Variants in NAALADL2 observed in about 807,000 individuals in gnomAD.
NAALADL2 encodes the protein N-acetylated alpha-linked acidic dipeptidase like 2, also known as inactive N-acetylated-alpha-linked acidic dipeptidase-like protein 2.
A neutral mutation model predicts 87.2 loss-of-function variants in NAALADL2; 76 were observed. The ratio of observed to expected loss-of-function variants is 0.87; its 90% CI spans 0.72 to 1.05. The LOEUF is 1.05. NAALADL2 is among the 50% of genes least tolerant of loss of function. The probability of loss-of-function intolerance (pLI) is 0.00; values close to 1 mark genes in which losing one functional copy is unlikely to be tolerated. For missense variants in NAALADL2, 1,089 were observed against 945.8 expected (o/e 1.15, Z -1.99); for synonymous variants, 354 against 331.0 (o/e 1.07, Z -0.75).
chr3:175,690,066 T>A (rs918269542), intron 11 of NAALADL2, among the ~76,000 whole-genome samples: 1 of 152,046 alleles, frequency 6.6e-6, no homozygotes, highest in African/African-American at 2.4e-5. Context: ...ACACAAAACA[T>A]ATAGAGAGTA....
chr3:175,385,559 T>C (rs1429919805), intron 5 of NAALADL2, among the ~76,000 whole-genome samples: 1 of 152,106 alleles, frequency 6.6e-6, no homozygotes, highest in African/African-American at 2.4e-5. Flanking sequence ...TGGTGTTCAA[T>C]AGATTAGCAA....
intron 3 of NAALADL2, among the ~76,000 whole-genome samples, chr3:174,821,312 C>T (rs747633940): frequency 5.3e-5 from 8 of 151,646 alleles, no homozygotes; most frequent in Admixed American, 1.3e-4. Context: ...ATGACAATAC[C>T]GGGCTTGAGG....
intron 1 of NAALADL2, among the ~76,000 whole-genome samples, chr3:175,012,517 T>C (rs1456104861): frequency 2.6e-5 from 4 of 152,194 alleles, no homozygotes; most frequent in African/African-American, 9.6e-5. Flanking sequence ...TGTCATTGCA[T>C]GTAGTTACTA....
chr3:175,311,626 C>A (rs1306215311), intron 4 of NAALADL2, among the ~76,000 whole-genome samples: 2 of 149,754 alleles, frequency 1.3e-5, no homozygotes, highest in African/African-American at 4.9e-5. Context: ...CTTCTTCCCT[C>A]CCTCCCTTTA....
intron 1 of NAALADL2, among the ~76,000 whole-genome samples, chr3:174,445,467 G>A (rs1400313321): frequency 6.6e-6 from 1 of 152,024 alleles, no homozygotes; most frequent in Non-Finnish European, 1.5e-5. Context: ...AAAATGAGGA[G>A]GCAGCTCAAG....
chr3:175,278,228 G>T (rs1753851606), intron 4 of NAALADL2, among the ~76,000 whole-genome samples: 1 of 152,170 alleles, frequency 6.6e-6, no homozygotes, highest in African/African-American at 2.4e-5. Flanking sequence ...GTTGTTCATT[G>T]TTCTCCACTA....
At chr3:175,336,115 T>C (rs185239385) in intron 5 of NAALADL2, among the ~76,000 whole-genome samples, 20 of 146,880 alleles carry the variant, frequency 1.4e-4, no homozygotes, top group Non-Finnish European at 2.8e-4. Context: ...CCCGAAAGCC[T>C]TTCTGAAGCT....
chr3:174,629,782 C>T (rs1323581692), intron 2 of NAALADL2, among the ~76,000 whole-genome samples: 2 of 152,138 alleles, frequency 1.3e-5, no homozygotes, highest in Admixed American at 1.3e-4. Context: ...CGTATGTATG[C>T]GTATGTTACA....
chr3:174,704,493 A>G (rs1402867605), intron 2 of NAALADL2, among the ~76,000 whole-genome samples: 2 of 151,980 alleles, frequency 1.3e-5, no homozygotes, highest in Non-Finnish European at 2.9e-5. Flanking sequence ...TGAATTATTA[A>G]TTATAAATTC....
At chr3:175,064,955 AG>A (rs2109104496) in intron 1 of NAALADL2, among the ~76,000 whole-genome samples, 1 of 152,290 alleles carries the variant, frequency 6.6e-6, no homozygotes, top group African/African-American at 2.4e-5. Flanking sequence ...TAGTTTGAAA[AG>A]TACTTCATCT....
intron 3 of NAALADL2, among the ~76,000 whole-genome samples, chr3:174,845,886 C>T (rs138298677): frequency 7.2e-5 from 11 of 152,252 alleles, no homozygotes; most frequent in African/African-American, 2.2e-4. Flanking sequence ...TAGGAATGGA[C>T]GAGGTTGGTG....
chr3:174,601,849 C>A (rs193235256), intron 2 of NAALADL2, among the ~76,000 whole-genome samples: 1 of 152,086 alleles, frequency 6.6e-6, no homozygotes, highest in Non-Finnish European at 1.5e-5. Context: ...GGTCTAGTTT[C>A]GTTCTTCTGC....
In NAALADL2 at chr3:175,503,587, G is replaced by C. The variant is rs919279137; in HGVS notation, c.1653+31829G>C. Among the ~76,000 whole-genome samples the C allele has an allele frequency of 2.2e-4, 34 of 152,142 alleles. 1 individual carries two copies. The highest frequency in any genetic ancestry group is 3.2e-4 in the Non-Finnish European group (22 of 68,038). ...TCCTCTTTTCTCTACAACCTCACTA[G>C]TATGTGTTATTTTTTGACTTCTTAA... is the stretch of plus-strand genomic sequence containing the variant. On this transcript the variant is annotated intron_variant, in intron 9 of 13. Coordinates refer to ENST00000454872, the MANE Select transcript of NAALADL2 (RefSeq NM_207015.3).
intron 1 of NAALADL2, among the ~76,000 whole-genome samples, chr3:174,872,733 TACACAC>T (rs140990241): frequency 4.0e-5 from 6 of 148,434 alleles, no homozygotes; most frequent in South Asian, 2.1e-4. Context: ...CACACACACA[TACACAC>T]ACACACACAC....
chr3:175,042,378 A>G (rs1385284222), intron 1 of NAALADL2, among the ~76,000 whole-genome samples: 3 of 152,152 alleles, frequency 2.0e-5, no homozygotes, highest in Non-Finnish European at 2.9e-5. Flanking sequence ...CCATATTTTG[A>G]CTATTGTGAA....
intron 11 of NAALADL2, among the ~76,000 whole-genome samples, chr3:175,632,266 TTCTCTCTCTCTC>T (rs61458338): frequency 0.034 from 4,359 of 129,528 alleles, 99 homozygotes; most frequent in African/African-American, 0.069. Context: ...CACTTTCCCC[TTCTCTCTCTCTC>T]TCTCTCTCTC....
intron 1 of NAALADL2, among the ~76,000 whole-genome samples, chr3:174,459,073 A>G (rs1158068105): frequency 6.6e-6 from 1 of 152,170 alleles, no homozygotes; most frequent in African/African-American, 2.4e-5. Context: ...CTTTGACAAA[A>G]TGGGAAAATA....
chr3:174,673,899 A>G (rs988180608), intron 2 of NAALADL2, among the ~76,000 whole-genome samples: 1 of 152,056 alleles, frequency 6.6e-6, no homozygotes, highest in East Asian at 1.9e-4. Flanking sequence ...GCATGTATCA[A>G]AATATCACAT....
At chr3:175,019,605 A>G (rs1382852154) in intron 1 of NAALADL2, among the ~76,000 whole-genome samples, 1 of 151,948 alleles carries the variant, frequency 6.6e-6, no homozygotes, top group Non-Finnish European at 1.5e-5. Flanking sequence ...TACAAACCTA[A>G]GTTATGAGTT....
Sources: allele counts gnomAD v4.1 joint callset (sites outside exome capture counted in the v4.1 genomes callset), GRCh38; gene constraint gnomAD v4.1.1; transcripts MANE v1.5; gene names NCBI Gene and HGNC (gene_info 2026-07-23, HGNC 2026-07-21).